The following ZNF565 variants were observed in gnomAD, a reference collection of about 807,000 sequenced individuals.
The protein encoded by ZNF565 is zinc finger protein 565.
In ZNF565, 27 loss-of-function variants were observed where a neutral mutation model predicts 39.4. The observed-to-expected ratio is 0.69, with a 90% CI of 0.51 to 0.95. The LOEUF (loss-of-function observed/expected upper bound fraction) is 0.95. Ranked by LOEUF, ZNF565 falls within the 40% of genes least tolerant of loss-of-function variation. The pLI is 0.00. For synonymous variants in ZNF565, 185 were observed against 216.6 expected (o/e 0.85, Z 1.28); for missense variants, 524 against 621.1 (o/e 0.84, Z 1.66).
In ZNF565 at chr19:36,245,470, G is replaced by C. The variant is rs2029890364; in HGVS notation, c.55+6C>G. 1.4e-6 allele frequency: 1 copy of C among 702,216 alleles called. No individual in the cohort carries two copies. The highest frequency in any genetic ancestry group is 2.0e-5 in the Admixed American group (1 of 49,984). 43.5% of individuals were successfully genotyped at this position (702,216 alleles called of 1,614,324 possible). Reference sequence around the variant, plus strand: ...CCCGTGGTCCACCGCGCATCTAGGAGGTTACCTGCGTCCAGGCGGTGACTT... The same window carrying C: ...CCCGTGGTCCACCGCGCATCTAGGACGTTACCTGCGTCCAGGCGGTGACTT... On this transcript the variant is annotated splice_donor_region_variant and intron_variant, in intron 1 of 4. Transcript: ENST00000355114. This position sits in a 1 kb window ranked among gnomAD's most constrained non-coding sequence, Gnocchi z 4.4.
chr19:36,209,951 A>C (rs899959455), intron 1 of ZNF565, among the ~76,000 whole-genome samples: 7 of 151,902 alleles, frequency 4.6e-5, no homozygotes, highest in African/African-American at 1.5e-4. Context: ...TTTCAATGTC[A>C]AAGAAAGGAG....
At chr19:36,211,325 C>A (rs904530963) in intron 1 of ZNF565, among the ~76,000 whole-genome samples, 1 of 151,860 alleles carries the variant, frequency 6.6e-6, no homozygotes, top group Non-Finnish European at 1.5e-5. Flanking sequence ...TGCCTGTAAT[C>A]CCAGAAACTT....
chr19:36,183,313 G>C lies in ZNF565; in HGVS notation c.653C>G (p.Thr218Arg), dbSNP rs769087096. Residue 218 changes from threonine to arginine, a missense_variant, in exon 5 of 5, where the codon ACG becomes AGG. By Grantham distance (71) the Thr-to-Arg change is moderately conservative. Coordinates refer to ENST00000304116, the MANE Select transcript of ZNF565 (RefSeq NM_152477.5). The stretch of plus-strand genomic sequence containing the variant: ...CTTACAGTCATAAGGTTTCTCACCC[G>C]TGTGAATTCTCTGATGCTGAACAAG... Reference protein sequence around the residue: ...SHLVQHQRIHTGEKPYDCKDC... With the variant: ...SHLVQHQRIHRGEKPYDCKDC... The C allele has an allele frequency of 6.2e-7, 1 of 1,614,088 alleles. No individual in the cohort carries two copies. Among genetic ancestry groups the C allele is most frequent in the South Asian group, 1.1e-5 (1 of 91,076 alleles).
At position 36,187,214 on chromosome 19, in the gene ZNF565, A is replaced by G. The variant is rs148813838; in HGVS notation, c.233-3481T>C. Among the ~76,000 whole-genome samples, 355 of 152,232 alleles carry G rather than the reference A, an allele frequency of 2.3e-3. 3 individuals are homozygous for G. The highest frequency in any genetic ancestry group is 8.2e-3 in the African/African-American group (341 of 41,554). On this transcript the variant is annotated intron_variant, in intron 4 of 4. Transcript: ENST00000304116. ...TCAAAAAAAAAAAAATAGACTTTAA[A>G]AACAGAAATCATCATTTTGGGTTAA...
At chr19:36,221,390 G>A (rs567745211) in intron 1 of ZNF565, among the ~76,000 whole-genome samples, 15 of 144,528 alleles carry the variant, frequency 1.0e-4, no homozygotes, top group African/African-American at 3.9e-4. Context: ...CCGGGTTCAC[G>A]CCATTCTTCT....
chr19:36,213,118 A>G (rs1240929658), intron 1 of ZNF565: 1 of 152,336 alleles, frequency 6.6e-6, no homozygotes, highest in East Asian at 1.9e-4. Flanking sequence ...AATCTGTCCT[A>G]ACTTCAAAGG....
intron 1 of ZNF565, among the ~76,000 whole-genome samples, chr19:36,234,092 G>A (rs199589235): frequency 2.0e-5 from 3 of 151,516 alleles, no homozygotes; most frequent in African/African-American, 7.2e-5. Context: ...TGACTCTTAA[G>A]GAGCATGCTG....
intron 4 of ZNF565, among the ~76,000 whole-genome samples, chr19:36,193,992 T>C (rs1975667186): frequency 6.6e-6 from 1 of 152,040 alleles, no homozygotes; most frequent in Non-Finnish European, 1.5e-5. Context: ...AAGAAATAGG[T>C]ACATCTCTTT....
At chr19:36,244,548 TA>T (rs1018212323) in intron 1 of ZNF565, among the ~76,000 whole-genome samples, 6 of 150,382 alleles carry the variant, frequency 4.0e-5, no homozygotes, top group South Asian at 2.1e-4. Flanking sequence ...AGAAAAAGTT[TA>T]TTAATTTTTT....
upstream of ZNF565, chr19:36,214,960 A>G (rs73931511): frequency 1.3e-5 from 2 of 152,794 alleles, no homozygotes; most frequent in Admixed American, 6.5e-5. Context: ...AGAGTCGACC[A>G]GTAAAGCCTC....
Position 36,183,751 on chromosome 19 carries a change from G to C in ZNF565, c.233-18C>G, listed in dbSNP as rs759085140. 1.9e-6 allele frequency: 3 copies of C among 1,590,124 alleles called. No homozygotes were observed. The highest frequency in any genetic ancestry group is 2.7e-5 in the African/African-American group (2 of 73,508). On this transcript the variant is annotated intron_variant, in intron 4 of 4. Coordinates refer to ENST00000304116, the MANE Select transcript of ZNF565 (RefSeq NM_152477.5). Reference sequence around the variant, plus strand: ...CTCCAAGTCTGAAAAATAAGAAAAAGATAAATACAAGCTGTGATCCTTCTC... The same window carrying C: ...CTCCAAGTCTGAAAAATAAGAAAAACATAAATACAAGCTGTGATCCTTCTC...
chr19:36,241,378 G>A (rs533458668), intron 1 of ZNF565, among the ~76,000 whole-genome samples: 11 of 151,870 alleles, frequency 7.2e-5, no homozygotes, highest in African/African-American at 2.4e-4. Context: ...CAGCTACTTG[G>A]GAGGTTAAGG....
chr19:36,186,837 C>A (rs1975318463), intron 4 of ZNF565, among the ~76,000 whole-genome samples: 1 of 151,986 alleles, frequency 6.6e-6, no homozygotes, highest in African/African-American at 2.4e-5. Flanking sequence ...ATACCAAAAT[C>A]TAGGTGCACA....
At chr19:36,205,584 C>T (rs1042864866) in intron 1 of ZNF565, among the ~76,000 whole-genome samples, 1 of 151,972 alleles carries the variant, frequency 6.6e-6, no homozygotes, top group Non-Finnish European at 1.5e-5. Context: ...TGGAAGGAAA[C>T]CTAAGAATTT....
At chr19:36,240,496 G>A (rs998101931) in intron 1 of ZNF565, among the ~76,000 whole-genome samples, 2 of 152,182 alleles carry the variant, frequency 1.3e-5, no homozygotes, top group African/African-American at 4.8e-5. Context: ...CAAATGCTAT[G>A]GGTTGAATGT....
At chr19:36,193,746 A>G (rs569454017) in intron 4 of ZNF565, among the ~76,000 whole-genome samples, 2 of 152,222 alleles carry the variant, frequency 1.3e-5, no homozygotes, top group East Asian at 1.9e-4. Flanking sequence ...CCGGCCAAAA[A>G]TAAGTTTTTC....
chr19:36,194,934 T>C (rs757451686), intron 3 of ZNF565, 96 bp downstream of exon 3: 38 of 1,579,846 alleles, frequency 2.4e-5, no homozygotes, highest in Non-Finnish European at 3.1e-5. Flanking sequence ...CAGTTTCCTC[T>C]CCTCACCCAT....
In ZNF565 at chr19:36,237,324, C is replaced by T. The variant is rs201354591; in HGVS notation, c.55+8152G>A. The T allele has an allele frequency of 8.2e-6, 13 of 1,579,286 alleles. No individual in the cohort carries two copies. The African/African-American group carries it at 1.5e-4, about 18-fold the overall frequency. ...CAGAAAATTCATACTCACTAAAAACCCCATGAAAGCCTTGAAAGTGGGAAA... is the reference window on the plus strand; with the variant it reads ...CAGAAAATTCATACTCACTAAAAACTCCATGAAAGCCTTGAAAGTGGGAAA... On this transcript the variant is annotated intron_variant, in intron 1 of 4. Transcript: ENST00000355114.
chr19:36,202,966 C>T (rs536456372), intron 1 of ZNF565, among the ~76,000 whole-genome samples: 1 of 152,216 alleles, frequency 6.6e-6, no homozygotes, highest in Admixed American at 6.6e-5. Context: ...TCCATGGGAA[C>T]TCAATTTCTA....
Sources: allele counts gnomAD v4.1 joint callset (sites outside exome capture counted in the v4.1 genomes callset), GRCh38; gene constraint gnomAD v4.1.1; non-coding constraint Gnocchi (gnomAD v3.1); transcripts MANE v1.5; gene names NCBI Gene and HGNC (gene_info 2026-07-23, HGNC 2026-07-21).